UST: variants seen among roughly 807,000 people sequenced by gnomAD.
UST encodes uronyl 2-sulfotransferase, also known as chondroitin sulfate 2-O-sulfotransferase.
In UST, 21 loss-of-function variants were observed where a neutral mutation model predicts 45.6. The observed-to-expected ratio is 0.46, with a 90% CI of 0.33 to 0.66. UST has a LOEUF of 0.66. UST is among the 30% of genes least tolerant of loss of function. The probability of loss-of-function intolerance (pLI) is 0.02; values close to 1 mark genes in which losing one functional copy is unlikely to be tolerated. For missense variants in UST, 463 were observed against 512.4 expected (o/e 0.90, Z 0.93); for synonymous variants, 215 against 200.6 (o/e 1.07, Z -0.61).
intron 1 of UST, among the ~76,000 whole-genome samples, chr6:148,839,773 A>G (rs886238964): frequency 6.6e-6 from 1 of 152,200 alleles, no homozygotes; most frequent in African/African-American, 2.4e-5. Flanking sequence ...ATGCTATGGT[A>G]CAGTTAAGGC....
chr6:149,003,430 G>A (rs576221697), intron 5 of UST, among the ~76,000 whole-genome samples: 1 of 141,842 alleles, frequency 7.1e-6, no homozygotes, highest in African/African-American at 2.7e-5. Context: ...TGTCCAATTT[G>A]GTAAAAAACA....
chr6:148,922,577 C>T (rs1779731699), intron 2 of UST, among the ~76,000 whole-genome samples: 1 of 149,314 alleles, frequency 6.7e-6, no homozygotes, highest in Admixed American at 6.7e-5. Context: ...CAAGCTCCCT[C>T]TCGCGGGTTC....
rs1779980828 is a variant in UST at position 148,934,426 on chromosome 6, T to C, written c.292-6853T>C. ...TATAATATTCATGCTAAGGGTCTAA[T>C]GCTTTAACAACATTCAGTATAAATT... On this transcript the variant is annotated intron_variant, in intron 2 of 7. Transcript: ENST00000367463. The surrounding 1 kb of genome is among the most constrained non-coding windows in gnomAD (Gnocchi z 4.1). Among the ~76,000 whole-genome samples, 1 of 152,262 alleles carries C rather than the reference T, an allele frequency of 6.6e-6. No individual in the cohort carries two copies. The highest frequency in any genetic ancestry group is 2.4e-5 in the African/African-American group (1 of 41,470).
intron 1 of UST, among the ~76,000 whole-genome samples, chr6:148,816,511 G>T (rs1282589169): frequency 6.6e-6 from 1 of 152,192 alleles, no homozygotes; most frequent in African/African-American, 2.4e-5. Flanking sequence ...AGCCTAATGT[G>T]TAAAAGAAGT....
intron 1 of UST, among the ~76,000 whole-genome samples, chr6:148,760,294 G>A (rs1230998777): frequency 1.3e-5 from 2 of 152,168 alleles, no homozygotes; most frequent in African/African-American, 4.8e-5. Flanking sequence ...AGAGTTTAGA[G>A]TCTCACTATG....
chr6:148,958,288 G>T (rs1052496810), intron 4 of UST, among the ~76,000 whole-genome samples: 3 of 151,548 alleles, frequency 2.0e-5, no homozygotes, highest in East Asian at 1.9e-4. Flanking sequence ...GGAAGTAATT[G>T]GTTCAGACCA....
At chr6:148,927,493 G>A (rs1001670069) in intron 2 of UST, among the ~76,000 whole-genome samples, 1 of 152,166 alleles carries the variant, frequency 6.6e-6, no homozygotes, top group Non-Finnish European at 1.5e-5. Flanking sequence ...GGATTAGAGA[G>A]CTTGAGTACC....
intron 5 of UST, among the ~76,000 whole-genome samples, chr6:148,971,948 G>A (rs748444003): frequency 1.4e-4 from 21 of 152,192 alleles, no homozygotes; most frequent in Non-Finnish European, 2.5e-4. Context: ...TGATCCAAGT[G>A]CAAGATAAAC....
intron 5 of UST, among the ~76,000 whole-genome samples, chr6:149,017,549 A>G (rs1374511942): frequency 3.3e-5 from 5 of 152,088 alleles, no homozygotes; most frequent in African/African-American, 1.2e-4. Context: ...TTATGTAAAC[A>G]TGTTGATTTT....
intron 1 of UST, among the ~76,000 whole-genome samples, chr6:148,758,654 G>T (rs1220983171): frequency 1.3e-5 from 2 of 152,160 alleles, no homozygotes; most frequent in African/African-American, 2.4e-5. Context: ...CAGAGCAAGA[G>T]CAGTGAACCG....
At chr6:148,905,609 A>G (rs988550484) in intron 2 of UST, among the ~76,000 whole-genome samples, 7 of 152,338 alleles carry the variant, frequency 4.6e-5, no homozygotes, top group East Asian at 3.9e-4. Context: ...TGTGTGGGAC[A>G]TGAGAGAAAA....
At chr6:148,996,663 G>A (rs1033463203) in intron 5 of UST, among the ~76,000 whole-genome samples, 2 of 152,236 alleles carry the variant, frequency 1.3e-5, no homozygotes, top group African/African-American at 4.8e-5. Context: ...TTTAACTTGA[G>A]TGTATATTTG....
chr6:148,889,914 T>G (rs1335594280), intron 2 of UST, among the ~76,000 whole-genome samples: 2 of 150,556 alleles, frequency 1.3e-5, no homozygotes, highest in African/African-American at 4.9e-5. Flanking sequence ...CCCCCATATC[T>G]CCCCCAACCC....
intron 3 of UST, among the ~76,000 whole-genome samples, chr6:148,953,334 A>C (rs1420342760): frequency 6.6e-6 from 1 of 152,194 alleles, no homozygotes; most frequent in Non-Finnish European, 1.5e-5. Flanking sequence ...AAATTACTTA[A>C]TCTGTCACGT....
chr6:148,858,311 A>G (rs758012834), intron 1 of UST, among the ~76,000 whole-genome samples: 4 of 152,256 alleles, frequency 2.6e-5, no homozygotes, highest in Admixed American at 6.5e-5. Flanking sequence ...TGATGTAACA[A>G]GAGTCCAAAA....
intron 1 of UST, among the ~76,000 whole-genome samples, chr6:148,783,922 A>T (rs1776689624): frequency 6.6e-6 from 1 of 152,156 alleles, no homozygotes; most frequent in African/African-American, 2.4e-5. Flanking sequence ...GAGCTACAAG[A>T]TTCAATGATA....
At chr6:148,938,470 G>A (rs1419058333) in intron 2 of UST, among the ~76,000 whole-genome samples, 1 of 152,072 alleles carries the variant, frequency 6.6e-6, no homozygotes, top group Non-Finnish European at 1.5e-5. Context: ...ATGCTACCCT[G>A]CATACAAATA....
intron 2 of UST, among the ~76,000 whole-genome samples, chr6:148,918,285 A>G (rs1267230639): frequency 1.3e-5 from 2 of 152,234 alleles, no homozygotes; most frequent in African/African-American, 4.8e-5. Flanking sequence ...AAAAGCTTCT[A>G]AAGACTTGTT....
rs1045390155 is a variant in UST, at chr6:149,073,850, A to C, written c.955A>C (p.Asn319His). 1.2e-6 allele frequency: 2 copies of C among 1,613,598 alleles called. No individual in the cohort carries two copies. Among genetic ancestry groups the C allele is most frequent in the South Asian group, 2.2e-5 (2 of 91,080 alleles). Reference protein sequence around the residue: ...YKDPEHRKLGNMTVTVKKTVP... With the variant: ...YKDPEHRKLGHMTVTVKKTVP... ...TCTTCCAGAGCACAGGAAGCTTGGA[A>C]ACATGACTGTGACGGTGAAGAAGAC... is the stretch of plus-strand genomic sequence containing the variant. Residue 319 changes from asparagine to histidine, a missense_variant, in exon 8 of 8, where the codon AAC becomes CAC. Physicochemically the swap from Asn to His is moderately conservative, Grantham distance 68. Around this residue, in one of 2 missense-constraint regions of UST, gnomAD observed 287 missense variants for 374.2 expected, o/e 0.77. Transcript: ENST00000367463.
Sources: allele counts gnomAD v4.1 joint callset (sites outside exome capture counted in the v4.1 genomes callset), GRCh38; gene constraint gnomAD v4.1.1; regional missense constraint gnomAD v4.1.1; non-coding constraint Gnocchi (gnomAD v3.1); transcripts MANE v1.5; gene names NCBI Gene and HGNC (gene_info 2026-07-23, HGNC 2026-07-21).